Variants in SRRM4 observed in about 807,000 individuals in gnomAD.
SRRM4 encodes the protein serine/arginine repetitive matrix protein 4.
A neutral mutation model predicts 68.9 loss-of-function variants in SRRM4; 33 were observed. The observed-to-expected ratio is 0.48, with a 90% confidence interval of 0.36 to 0.64. SRRM4 has a LOEUF of 0.64. Among genes scored for constraint, SRRM4 ranks in the 30% least tolerant of loss-of-function variants. The pLI is 0.00. For synonymous variants in SRRM4, 318 were observed against 318.8 expected, an observed-to-expected ratio of 1.00 and a Z score of 0.03; for missense variants, 817 against 827.1, an observed-to-expected ratio of 0.99 and a Z score of 0.15.
chr12:119,009,847 C>T (rs1953437817), intron 1 of SRRM4, among the ~76,000 whole-genome samples: 1 of 152,102 alleles, frequency 6.6e-6, no homozygotes. Context: ...GTGCTTAGGG[C>T]CCAAATACCA....
At chr12:119,076,729 G>C (rs1953918646) in intron 1 of SRRM4, among the ~76,000 whole-genome samples, 1 of 152,196 alleles carries the variant, frequency 6.6e-6, no homozygotes, top group South Asian at 2.1e-4. Flanking sequence ...TGCTGATTCA[G>C]AGGAACCGCT....
At chr12:119,070,012 C>T (rs1184282528) in intron 1 of SRRM4, among the ~76,000 whole-genome samples, 4 of 152,052 alleles carry the variant, frequency 2.6e-5, no homozygotes, top group Non-Finnish European at 4.4e-5. Context: ...GGGCCGGGGG[C>T]ACTGCTAACC....
At chr12:119,019,112 C>T (rs868323230) in intron 1 of SRRM4, among the ~76,000 whole-genome samples, 31 of 152,332 alleles carry the variant, frequency 2.0e-4, no homozygotes, top group Middle Eastern at 3.4e-3. Context: ...CAGACTGAAT[C>T]TCCTTGCCAC....
In SRRM4 at chr12:119,028,344, G is replaced by A. The variant is rs1038030742; in HGVS notation, c.131+46331G>A. ...AGCTCCCACAATTCCCATGTATTGT[G>A]GGAGGGACCCTGTGAGAGGTAATTG... On this transcript the variant is annotated intron_variant, in intron 1 of 12. Transcript: ENST00000267260. Among the ~76,000 whole-genome samples the A allele has an allele frequency of 5.9e-5, 9 of 152,048 alleles. No individual in the cohort carries two copies. The East Asian group carries it at 9.7e-4, about 16-fold the overall frequency.
At chr12:119,046,038 AAAT>A (rs1446569013) in intron 1 of SRRM4, among the ~76,000 whole-genome samples, 1 of 151,390 alleles carries the variant, frequency 6.6e-6, no homozygotes, top group Non-Finnish European at 1.5e-5. Flanking sequence ...TTCCATCTCA[AAAT>A]AATAATAATA....
intron 1 of SRRM4, 79 bp downstream of exon 1, chr12:118,982,092 T>TA: frequency 6.7e-7 from 1 of 1,498,542 alleles, no homozygotes; most frequent in Admixed American, 2.3e-5. Context: ...GAGGGGTGGA[T>TA]GCAGGCAGCC....
At chr12:119,078,996 G>A (rs10774484) in intron 1 of SRRM4, among the ~76,000 whole-genome samples, 86,927 of 152,046 alleles carry the variant, frequency 0.57, 25,846 homozygotes, top group Middle Eastern at 0.76. Context: ...TGGGCTGGAC[G>A]CTGTGTTAGA....
chr12:119,102,490 C>T, intron 2 of SRRM4, 108 bp downstream of exon 2: 6 of 824,588 alleles, frequency 7.3e-6, no homozygotes, highest in Non-Finnish European at 1.1e-5. Flanking sequence ...ACCCTTAAAT[C>T]AAGGGTTAGT....
chr12:119,025,575 G>A (rs1953543221), intron 1 of SRRM4, among the ~76,000 whole-genome samples: 1 of 152,136 alleles, frequency 6.6e-6, no homozygotes, highest in South Asian at 2.1e-4. Context: ...CTCCCGAGTA[G>A]CTGGGATTAC....
chr12:119,028,047 C>T (rs951421148), intron 1 of SRRM4, among the ~76,000 whole-genome samples: 1 of 152,246 alleles, frequency 6.6e-6, no homozygotes, highest in Non-Finnish European at 1.5e-5. Flanking sequence ...CAGCATGAAT[C>T]GGAATCACCT....
At chr12:119,005,302 C>T (rs918464067) in intron 1 of SRRM4, among the ~76,000 whole-genome samples, 4 of 152,218 alleles carry the variant, frequency 2.6e-5, no homozygotes, top group Admixed American at 6.5e-5. Context: ...TCCCACAGCT[C>T]CTCTGAGACG....
chr12:119,103,344 T>A (rs938946716), intron 2 of SRRM4, among the ~76,000 whole-genome samples: 1 of 152,190 alleles, frequency 6.6e-6, no homozygotes, highest in Admixed American at 6.5e-5. Flanking sequence ...GTTGTATACA[T>A]TATTTTATTA....
intron 1 of SRRM4, among the ~76,000 whole-genome samples, chr12:119,057,594 G>A (rs1404448147): frequency 6.6e-6 from 1 of 152,026 alleles, no homozygotes; most frequent in Non-Finnish European, 1.5e-5. Flanking sequence ...CCAGTCTATC[G>A]TTGATGGGCA....
intron 1 of SRRM4, among the ~76,000 whole-genome samples, chr12:119,039,479 ATTTG>A (rs1393496862): frequency 1.3e-5 from 2 of 152,114 alleles, no homozygotes; most frequent in Non-Finnish European, 2.9e-5. Flanking sequence ...TACAGTTATT[ATTTG>A]TTTGTTTAAG....
At chr12:119,090,053 C>G (rs1490484478) in intron 1 of SRRM4, among the ~76,000 whole-genome samples, 1 of 152,084 alleles carries the variant, frequency 6.6e-6, no homozygotes, top group Non-Finnish European at 1.5e-5. Flanking sequence ...TTAATACAAT[C>G]CAGTTTCTCT....
chr12:119,032,422 G>C (rs547554254), intron 1 of SRRM4, among the ~76,000 whole-genome samples: 37 of 152,278 alleles, frequency 2.4e-4, no homozygotes, highest in African/African-American at 8.9e-4. Flanking sequence ...TTTGTGCAGA[G>C]ACATTTCAAT....
intron 1 of SRRM4, among the ~76,000 whole-genome samples, chr12:119,052,999 T>G (rs1375847633): frequency 1.3e-5 from 2 of 152,212 alleles, no homozygotes; most frequent in Non-Finnish European, 1.5e-5. Flanking sequence ...AGAATGAAAT[T>G]TCATGGAATC....
intron 1 of SRRM4, among the ~76,000 whole-genome samples, chr12:119,040,002 T>A (rs1182580459): frequency 2.6e-5 from 4 of 151,200 alleles, no homozygotes; most frequent in African/African-American, 9.7e-5. Context: ...TACAGGGGAG[T>A]GAATATGGGG....
chr12:119,079,213 G>A (rs530156807), intron 1 of SRRM4, among the ~76,000 whole-genome samples: 1 of 152,284 alleles, frequency 6.6e-6, no homozygotes, highest in East Asian at 1.9e-4. Flanking sequence ...TGGTATTCTT[G>A]GAACCAAGGA....
Sources: gnomAD v4.1 joint callset for allele counts (sites outside exome capture counted in the v4.1 genomes callset) on GRCh38, gnomAD v4.1.1 for gene constraint, MANE v1.5 for transcripts, NCBI Gene and HGNC (gene_info 2026-07-23, HGNC 2026-07-21) for gene names.